Variants in UBR7 observed in about 807,000 individuals in gnomAD.
UBR7 encodes the protein putative E3 ubiquitin-protein ligase UBR7.
A neutral mutation model predicts 57.0 loss-of-function variants in UBR7; 22 were observed. The observed-to-expected ratio is 0.39, with a 90% CI of 0.28 to 0.55. The LOEUF (loss-of-function observed/expected upper bound fraction) is 0.55. Among genes scored for constraint, UBR7 ranks in the 20% least tolerant of loss-of-function variants. The probability of loss-of-function intolerance (pLI) is 0.69; values close to 1 mark genes in which losing one functional copy is unlikely to be tolerated. For synonymous variants in UBR7, 167 were observed against 179.8 expected (o/e 0.93, Z 0.57); for missense variants, 395 against 513.2 (o/e 0.77, Z 2.23).
intron 10 of UBR7, 58 bp from the exon 11 acceptor site, chr14:93,226,885 C>A: frequency 1.6e-6 from 2 of 1,225,748 alleles, no homozygotes; most frequent in Non-Finnish European, 2.4e-6. Context: ...ATGCTATGAC[C>A]TCGGATTGCG....
Position 93,227,142 on chromosome 14 carries a change from T to C in UBR7, c.*107T>C, listed in dbSNP as rs149097119. On this transcript the variant is annotated 3_prime_UTR_variant, in exon 11 of 11. Coordinates refer to ENST00000013070, the MANE Select transcript of UBR7 (RefSeq NM_175748.4). The stretch of plus-strand genomic sequence containing the variant: ...GGCCCCCTTTCCGTCCTCCTCTGTT[T>C]GGAGAGGCCTCGCGCTCCCTTCATT... 1 of 820,940 alleles carries C rather than the reference T, an allele frequency of 1.2e-6. No individual in the cohort carries two copies. The highest frequency in any genetic ancestry group is 1.7e-5 in the African/African-American group (1 of 58,342). 50.9% of individuals were successfully genotyped at this position (820,940 alleles called of 1,614,324 possible). A position where few individuals can be genotyped will look rare whatever the true frequency, so the allele number is the denominator to read the frequency against.
In UBR7 at chr14:93,212,199, C is replaced by T. The variant is rs765746603; in HGVS notation, c.441+72C>T. ...TGATTCCTCAACTGCTTGTCATATC[C>T]GAGCCTCTGGCTCTTCAAGAGGCAG... On this transcript the variant is annotated intron_variant, in intron 4 of 10. Coordinates refer to ENST00000013070, the MANE Select transcript of UBR7 (RefSeq NM_175748.4). 35 of 1,164,106 alleles carry T rather than the reference C, an allele frequency of 3.0e-5. No homozygotes were observed. In the Middle Eastern group the frequency reaches 5.7e-4, roughly 19 times the overall value. The allele number at this position is 1,164,106 out of a possible 1,614,324, so 72.1% of individuals were successfully genotyped here.
intron 8 of UBR7, among the ~76,000 whole-genome samples, chr14:93,219,634 A>G (rs1189575572): frequency 4.6e-5 from 7 of 152,232 alleles, no homozygotes; most frequent in African/African-American, 1.7e-4. Flanking sequence ...ATTTTAGTTT[A>G]CTTATCTTTG....
At position 93,222,525 on chromosome 14, in the gene UBR7, A is replaced by C; in HGVS notation, c.1185+151A>C. 4 of 697,334 alleles carry C rather than the reference A, an allele frequency of 5.7e-6. No homozygotes were observed. In the South Asian group the frequency reaches 6.0e-5, roughly 10 times the overall value. 43.2% of individuals were successfully genotyped at this position (697,334 alleles called of 1,614,324 possible). On this transcript the variant is annotated intron_variant, in intron 10 of 10. Coordinates refer to ENST00000013070, the MANE Select transcript of UBR7 (RefSeq NM_175748.4). The stretch of plus-strand genomic sequence containing the variant: ...TTTGGGAGGCCAATGTGGGTGGATC[A>C]CAAGGTCAGGAGTTCAAGACCAGCC...
At chr14:93,223,649 G>T in intron 10 of UBR7, 3 of 1,383,626 alleles carry the variant, frequency 2.2e-6, no homozygotes, top group Non-Finnish European at 3.0e-6. Context: ...TGGGCTGACG[G>T]GCAGGACCCG....
chr14:93,209,546 C>G (rs1894436638), intron 1 of UBR7, among the ~76,000 whole-genome samples: 1 of 152,002 alleles, frequency 6.6e-6, no homozygotes, highest in East Asian at 1.9e-4. Context: ...TTGAGACCAG[C>G]CTGGGCAACA....
intron 1 of UBR7, among the ~76,000 whole-genome samples, chr14:93,208,843 G>T (rs1187139536): frequency 1.3e-5 from 2 of 151,916 alleles, no homozygotes; most frequent in African/African-American, 2.4e-5. Flanking sequence ...TGCCACCCAG[G>T]CTGGAGTGCA....
intron 1 of UBR7, among the ~76,000 whole-genome samples, chr14:93,208,905 C>CAAGT (rs1894425039): frequency 6.6e-6 from 1 of 152,130 alleles, no homozygotes; most frequent in Non-Finnish European, 1.5e-5. Context: ...TCAAGTGATT[C>CAAGT]TCCTGTCTTA....
intron 10 of UBR7, among the ~76,000 whole-genome samples, chr14:93,224,655 G>A (rs1039065036): frequency 1.3e-5 from 2 of 152,134 alleles, no homozygotes; most frequent in Non-Finnish European, 2.9e-5. Flanking sequence ...GGGATTACAG[G>A]CATGAGCCAC....
intron 1 of UBR7, among the ~76,000 whole-genome samples, chr14:93,208,451 TC>T (rs1894413103): frequency 6.7e-6 from 1 of 150,370 alleles, no homozygotes; most frequent in African/African-American, 2.5e-5. Flanking sequence ...AAACAATTTT[TC>T]CCCTGCTTTA....
intron 10 of UBR7, among the ~76,000 whole-genome samples, chr14:93,226,141 G>C (rs1050173673): frequency 3.9e-5 from 6 of 152,162 alleles, no homozygotes; most frequent in Admixed American, 3.3e-4. Context: ...TTCCAAGTTA[G>C]CATTATTCCA....
chr14:93,215,200 A>G lies in UBR7; in HGVS notation c.520A>G (p.Ser174Gly), dbSNP rs578200214. Residue 174 changes from serine to glycine, a missense_variant, in exon 6 of 11, where the codon AGT becomes GGT. By Grantham distance (56) the Ser-to-Gly change is moderately conservative (BLOSUM62 0). Transcript: ENST00000013070. Reference protein sequence around the residue: ...GRHLGAIPPESGDFQEMVCQA... With the variant: ...GRHLGAIPPEGGDFQEMVCQA... ...GCATCTTGGTGCCATTCCCCCTGAGAGTGGGGATTTTCAGGAGATGGTATG... is the reference window on the plus strand; with the variant it reads ...GCATCTTGGTGCCATTCCCCCTGAGGGTGGGGATTTTCAGGAGATGGTATG... 1 of 1,584,676 alleles carries G rather than the reference A, an allele frequency of 6.3e-7. No individual in the cohort carries two copies. Among genetic ancestry groups the G allele is most frequent in the South Asian group, 1.2e-5 (1 of 86,774 alleles).
chr14:93,218,839 G>T, intron 7 of UBR7, 104 bp downstream of exon 7: 1 of 1,224,664 alleles, frequency 8.2e-7, no homozygotes, highest in Non-Finnish European at 1.2e-6. Flanking sequence ...CGGATCACCT[G>T]AGGTCACGGG....
intron 6 of UBR7, among the ~76,000 whole-genome samples, chr14:93,216,881 G>T (rs992119465): frequency 6.6e-6 from 1 of 152,034 alleles, no homozygotes; most frequent in Non-Finnish European, 1.5e-5. Context: ...CTCCCAAAGT[G>T]CTGGGATTAC....
At position 93,207,466 on chromosome 14, in the gene UBR7, C is replaced by T. The variant is rs1188207553; in HGVS notation, c.150+25C>T. The T allele has an allele frequency of 1.6e-5, 25 of 1,519,132 alleles. No individual in the cohort carries two copies. In the East Asian group the frequency reaches 5.8e-4, roughly 36 times the overall value. 94.1% of individuals were successfully genotyped at this position (1,519,132 alleles called of 1,614,324 possible). A position where few individuals can be genotyped will look rare whatever the true frequency, so the allele number is the denominator to read the frequency against. On this transcript the variant is annotated intron_variant, in intron 1 of 10. Transcript: ENST00000013070. Reference sequence around the variant, plus strand: ...GGTGGGCGCGCGGCCCGGGCCTCCTCTCCCCCGGCTCCCGCCGAACCTCCC... The same window carrying T: ...GGTGGGCGCGCGGCCCGGGCCTCCTTTCCCCCGGCTCCCGCCGAACCTCCC...
At chr14:93,224,059 GA>G (rs1894777402) in intron 10 of UBR7, 1 of 1,019,422 alleles carries the variant, frequency 9.8e-7, no homozygotes, top group African/African-American at 1.6e-5. Context: ...GCATGTGGTA[GA>G]GGGGCGGTGT....
At chr14:93,208,638 G>C (rs1894417775) in intron 1 of UBR7, among the ~76,000 whole-genome samples, 1 of 150,966 alleles carries the variant, frequency 6.6e-6, no homozygotes, top group South Asian at 2.1e-4. Flanking sequence ...CCACAACCCA[G>C]ATCAACAAAT....
chr14:93,220,133 C>T, intron 8 of UBR7, 116 bp from the exon 9 acceptor site: 1 of 1,050,268 alleles, frequency 9.5e-7, no homozygotes, highest in Non-Finnish European at 1.4e-6. Context: ...TTTTCTAGGT[C>T]TTAATATAAA....
rs1566824488 is a variant in UBR7 at position 93,223,604 on chromosome 14, G to C, written c.1185+1230G>C. On this transcript the variant is annotated intron_variant, in intron 10 of 10. Transcript: ENST00000013070. Reference sequence around the variant, plus strand: ...CCGGGCGAGGGCCCTGCCCCTAGAAGAACGTGTTGGGCCTCTTGGTGGTGA... The same window carrying C: ...CCGGGCGAGGGCCCTGCCCCTAGAACAACGTGTTGGGCCTCTTGGTGGTGA... 6 of 1,139,818 alleles carry C rather than the reference G, an allele frequency of 5.3e-6. No homozygotes were observed. The East Asian group carries it at 1.2e-4, about 23-fold the overall frequency. The allele number at this position is 1,139,818 out of a possible 1,614,324, so 70.6% of individuals were successfully genotyped here.
Sources: allele counts gnomAD v4.1 joint callset (sites outside exome capture counted in the v4.1 genomes callset), GRCh38; gene constraint gnomAD v4.1.1; transcripts MANE v1.5; gene names NCBI Gene and HGNC (gene_info 2026-07-23, HGNC 2026-07-21).